The following CELF5 variants were observed in gnomAD, a reference collection of about 807,000 sequenced individuals.
CELF5 encodes CUG-BP and ETR-3 like factor 5.
Under a neutral mutation model 54.9 loss-of-function variants are expected in CELF5, and 6 were observed. The observed-to-expected ratio is 0.11, with a 90% CI of 0.06 to 0.22. The LOEUF is 0.22. Among genes scored for constraint, CELF5 ranks in the 10% least tolerant of loss-of-function variants. The pLI, the probability that CELF5 is intolerant of heterozygous loss-of-function variation, is 1.00. For synonymous variants in CELF5, 271 were observed against 290.9 expected, an observed-to-expected ratio of 0.93 and a Z score of 0.70; for missense variants, 401 against 678.6, an observed-to-expected ratio of 0.59 and a Z score of 4.54.
chr19:3,233,954 C>T (rs924025336), intron 1 of CELF5, among the ~76,000 whole-genome samples: 9 of 152,322 alleles, frequency 5.9e-5, no homozygotes, highest in Admixed American at 1.3e-4. Flanking sequence ...CTCCTGAAGA[C>T]GGCGGCGCCT....
At chr19:3,230,831 G>T (rs1466280726) in intron 1 of CELF5, among the ~76,000 whole-genome samples, 1 of 152,180 alleles carries the variant, frequency 6.6e-6, no homozygotes, top group Non-Finnish European at 1.5e-5. Flanking sequence ...GAAATACAAA[G>T]AAGCAGATGT....
At chr19:3,263,834 T>TATGG (rs1209609225) in intron 2 of CELF5, among the ~76,000 whole-genome samples, 1 of 140,480 alleles carries the variant, frequency 7.1e-6, no homozygotes, top group Non-Finnish European at 1.6e-5. Flanking sequence ...GAAACTGGGA[T>TATGG]ATGGAGGCTG....
chr19:3,229,052 C>T (rs1300583423), intron 1 of CELF5, among the ~76,000 whole-genome samples: 1 of 151,982 alleles, frequency 6.6e-6, no homozygotes, highest in Non-Finnish European at 1.5e-5. Context: ...GGCCCCGGAG[C>T]CTCACACCTG....
At chr19:3,272,226 G>A (rs1332815850) in intron 2 of CELF5, among the ~76,000 whole-genome samples, 5 of 152,016 alleles carry the variant, frequency 3.3e-5, no homozygotes, top group African/African-American at 1.2e-4. Context: ...AAAATTAGCT[G>A]GGCGTATTGG....
At chr19:3,265,493 G>C (rs187749364) in intron 2 of CELF5, among the ~76,000 whole-genome samples, 2 of 152,174 alleles carry the variant, frequency 1.3e-5, no homozygotes, top group Admixed American at 1.3e-4. Context: ...AGGTATATTT[G>C]TACCCACTTG....
intron 12 of CELF5, 84 bp downstream of exon 12, chr19:3,293,570 C>A: frequency 1.7e-6 from 2 of 1,191,306 alleles, no homozygotes; most frequent in Non-Finnish European, 2.3e-6. Flanking sequence ...ATGCTCCAAA[C>A]CCTCCCCAGG....
intron 1 of CELF5, among the ~76,000 whole-genome samples, chr19:3,237,169 G>A (rs1202805865): frequency 1.3e-5 from 2 of 150,770 alleles, no homozygotes; most frequent in African/African-American, 4.9e-5. Flanking sequence ...AAAATTAGCC[G>A]GGCATGGTGG....
rs188477423 is a variant in CELF5 at position 3,252,430 on chromosome 19, C to T, written c.342+1363C>T. Among the ~76,000 whole-genome samples the T allele has an allele frequency of 1.2e-4, 19 of 152,248 alleles. 1 individual carries two copies. The highest frequency in any genetic ancestry group is 1.2e-3 in the Admixed American group (18 of 15,284). ...AGTGGTCTCCCTGAGCCAGTCAATC[C>T]GGGTCCCCAGGCCATGCCTCTTGAT... On this transcript the variant is annotated intron_variant, in intron 2 of 12. Transcript: ENST00000292672.
At chr19:3,235,937 A>G (rs1290676518) in intron 1 of CELF5, among the ~76,000 whole-genome samples, 1 of 151,996 alleles carries the variant, frequency 6.6e-6, no homozygotes, top group Non-Finnish European at 1.5e-5. Flanking sequence ...GGATGGGGAA[A>G]TTTCTGGTGT....
chr19:3,240,288 A>G (rs1044413292), intron 1 of CELF5, among the ~76,000 whole-genome samples: 3 of 151,746 alleles, frequency 2.0e-5, no homozygotes, highest in Admixed American at 1.3e-4. Flanking sequence ...AAGTGCTGGT[A>G]TTACAGGCAT....
chr19:3,225,161 C>T (rs534796078), intron 1 of CELF5, among the ~76,000 whole-genome samples, 163 bp downstream of exon 1: 3 of 108,070 alleles, frequency 2.8e-5, no homozygotes, highest in Non-Finnish European at 6.0e-5. Context: ...CCCACCCCTC[C>T]TCCCCTCTCT....
In CELF5 at chr19:3,229,373, G is replaced by A. The variant is rs562639018; in HGVS notation, c.259+4375G>A. 2.9e-3 allele frequency among the ~76,000 whole-genome samples: 439 copies of A among 152,286 alleles called. 2 individuals are homozygous for A. Among genetic ancestry groups the A allele is most frequent in the South Asian group, 0.012 (60 of 4,822 alleles). ...CCCCTCCCACCAGATTCCAGTTTAG[G>A]GGACGGAGACAGCTGGGGAACTGGG... On this transcript the variant is annotated intron_variant, in intron 1 of 12. Coordinates refer to ENST00000292672, the MANE Select transcript of CELF5 (RefSeq NM_021938.4).
intron 2 of CELF5, among the ~76,000 whole-genome samples, chr19:3,263,798 A>G (rs59979751): frequency 0.1 from 15,804 of 151,760 alleles, 1,008 homozygotes; most frequent in African/African-American, 0.18. Flanking sequence ...CCAGCTACTC[A>G]GGAGGCTGAA....
At chr19:3,280,377 C>A (rs2080128457) in intron 5 of CELF5, among the ~76,000 whole-genome samples, 1 of 151,628 alleles carries the variant, frequency 6.6e-6, no homozygotes, top group South Asian at 2.1e-4. Flanking sequence ...TAGAGACCAG[C>A]CTGGCCAACA....
chr19:3,238,768 C>A (rs1056242963), intron 1 of CELF5, among the ~76,000 whole-genome samples: 1 of 152,014 alleles, frequency 6.6e-6, no homozygotes, highest in African/African-American at 2.4e-5. Context: ...CCTGTCTCTA[C>A]TAAAAATACA....
intron 1 of CELF5, among the ~76,000 whole-genome samples, chr19:3,250,091 T>A (rs940107261): frequency 1.3e-5 from 2 of 152,218 alleles, no homozygotes; most frequent in Non-Finnish European, 2.9e-5. Context: ...ACTTCGACTG[T>A]CCCCTCCCAA....
At position 3,278,604 on chromosome 19, in the gene CELF5, G is replaced by A. The variant is rs901024; in HGVS notation, c.603+494G>A. ...CATGTGTGTTTCTATGTGTGTGAGCGTGTGTGTGAGTATGCCTGGGCCACG... is the reference window on the plus strand; with the variant it reads ...CATGTGTGTTTCTATGTGTGTGAGCATGTGTGTGAGTATGCCTGGGCCACG... On this transcript the variant is annotated intron_variant, in intron 5 of 12. Transcript: ENST00000292672. This position sits in a 1 kb window ranked among gnomAD's most constrained non-coding sequence, Gnocchi z 4.5. 4.8e-4 allele frequency among the ~76,000 whole-genome samples: 73 copies of A among 152,116 alleles called. No homozygotes were observed. In the East Asian group the frequency reaches 5.4e-3, roughly 11 times the overall value.
At position 3,288,523 on chromosome 19, in the gene CELF5, AAAAC is replaced by A. The variant is rs529882719; in HGVS notation, c.1187-1688_1187-1685del. On this transcript the variant is annotated intron_variant, in intron 10 of 12. Coordinates refer to ENST00000292672, the MANE Select transcript of CELF5 (RefSeq NM_021938.4). ...GGCAACAAAAGCAAAACTCCATCTC[AAAAC>A]AAACAAACAAACAAACAAAACAAAA... Among the ~76,000 whole-genome samples the A allele has an allele frequency of 1.0e-2, 1,499 of 150,448 alleles. 28 individuals carry two copies. Among genetic ancestry groups the A allele is most frequent in the African/African-American group, 0.034 (1,377 of 40,906 alleles).
intron 1 of CELF5, among the ~76,000 whole-genome samples, chr19:3,248,658 A>C (rs886426188): frequency 9.2e-5 from 14 of 152,158 alleles, no homozygotes; most frequent in Admixed American, 8.5e-4. Context: ...GCCACTGTGA[A>C]TCTTACTGCT....
Sources: gnomAD v4.1 joint callset for allele counts (sites outside exome capture counted in the v4.1 genomes callset) on GRCh38, gnomAD v4.1.1 for gene constraint, Gnocchi (gnomAD v3.1) non-coding constraint, MANE v1.5 for transcripts, NCBI Gene and HGNC (gene_info 2026-07-23, HGNC 2026-07-21) for gene names.